DLG2: variants seen among roughly 807,000 people sequenced by gnomAD.
DLG2 encodes discs large MAGUK scaffold protein 2, also known as disks large homolog 2.
DLG2 carries 45 observed loss-of-function variants against 132.5 expected under a neutral mutation model. The observed-to-expected ratio is 0.34, with a 90% CI of 0.27 to 0.44. The LOEUF is 0.44. Ranked by LOEUF, DLG2 falls within the 20% of genes least tolerant of loss-of-function variation. DLG2 has a pLI of 1.00. For synonymous variants in DLG2, 424 were observed against 419.6 expected (o/e 1.01, Z -0.13); for missense variants, 1,045 against 1,196.9 (o/e 0.87, Z 1.87).
At position 85,427,237 on chromosome 11, in the gene DLG2, C is replaced by A. The variant is rs2090826463; in HGVS notation, c.41-141872G>T. On this transcript the variant is annotated intron_variant, in intron 3 of 27. Coordinates refer to ENST00000376104, the MANE Select transcript of DLG2 (RefSeq NM_001142699.3). Reference sequence around the variant, plus strand: ...ATCCAGGAGAACTTCCCCAATCTAGCAAGGCAGGCCAACATTCAAATTCAG... The same window carrying A: ...ATCCAGGAGAACTTCCCCAATCTAGAAAGGCAGGCCAACATTCAAATTCAG... 2.0e-5 allele frequency among the ~76,000 whole-genome samples: 3 copies of A among 152,180 alleles called. No homozygotes were observed. In the South Asian group the frequency reaches 6.2e-4, roughly 32 times the overall value.
In DLG2 at chr11:83,850,161, T is replaced by TGTGTGTGTGTGTGTGTG. The variant is rs58290466; in HGVS notation, c.1566-16392_1566-16391insCACACACACACACACAC. ...GTGTGTGTGTGTGTGTGTGTGTGTG[T>TGTGTGTGTGTGTGTGTG]TTTTTTACTTGAGACGGAGTCTCAC... On this transcript the variant is annotated intron_variant, in intron 16 of 27. Coordinates refer to ENST00000376104, the MANE Select transcript of DLG2 (RefSeq NM_001142699.3). 1.9e-3 allele frequency among the ~76,000 whole-genome samples: 243 copies of TGTGTGTGTGTGTGTGTG among 126,816 alleles called. 5 individuals carry two copies. The highest frequency in any genetic ancestry group is 5.8e-3 in the South Asian group (25 of 4,320). The allele number at this position is 126,816 out of a possible 152,430, so 83.2% of individuals were successfully genotyped here. A position where few individuals can be genotyped will look rare whatever the true frequency, so the allele number is the denominator to read the frequency against.
chr11:85,377,609 T>C (rs187381524), intron 3 of DLG2, among the ~76,000 whole-genome samples: 38 of 152,124 alleles, frequency 2.5e-4, no homozygotes, highest in Admixed American at 2.5e-3. Context: ...AAGACATTGT[T>C]CCTTAGTTTC....
chr11:84,947,046 C>G (rs1171288224), intron 6 of DLG2, among the ~76,000 whole-genome samples: 1 of 152,184 alleles, frequency 6.6e-6, no homozygotes, highest in Non-Finnish European at 1.5e-5. Flanking sequence ...CTCCCTCTCC[C>G]AAGCACACAG....
At chr11:85,511,070 T>C (rs2094054833) in intron 3 of DLG2, among the ~76,000 whole-genome samples, 1 of 151,932 alleles carries the variant, frequency 6.6e-6, no homozygotes, top group South Asian at 2.1e-4. Flanking sequence ...ATGTCCTTTG[T>C]AGGGACATGG....
chr11:85,568,967 CT>C (rs2077691227), intron 3 of DLG2, among the ~76,000 whole-genome samples: 2 of 152,026 alleles, frequency 1.3e-5, no homozygotes, highest in South Asian at 4.1e-4. Flanking sequence ...GTTCATTCTT[CT>C]TTTTCTAGTT....
chr11:83,705,006 A>C (rs1046261840), intron 18 of DLG2, among the ~76,000 whole-genome samples: 2 of 152,196 alleles, frequency 1.3e-5, no homozygotes. Context: ...ACTTGCACAA[A>C]TATACCTCCT....
intron 9 of DLG2, among the ~76,000 whole-genome samples, chr11:84,136,986 C>T (rs1168258183): frequency 6.6e-6 from 1 of 151,988 alleles, no homozygotes; most frequent in Non-Finnish European, 1.5e-5. Flanking sequence ...GGAGGCACAG[C>T]AGAAAAAAAA....
chr11:84,647,014 A>C (rs2099675799), intron 6 of DLG2, among the ~76,000 whole-genome samples: 1 of 152,130 alleles, frequency 6.6e-6, no homozygotes, highest in Admixed American at 6.6e-5. Context: ...GGTAAATATG[A>C]AACAAACATA....
chr11:84,002,127 T>C (rs967115171), intron 11 of DLG2, among the ~76,000 whole-genome samples: 5 of 152,104 alleles, frequency 3.3e-5, no homozygotes, highest in Admixed American at 1.3e-4. Flanking sequence ...AAATGACATA[T>C]TGGTTCTTCA....
At chr11:83,626,657 T>G (rs1349222753) in intron 19 of DLG2, among the ~76,000 whole-genome samples, 1 of 152,072 alleles carries the variant, frequency 6.6e-6, no homozygotes, top group East Asian at 1.9e-4. Context: ...AACGAAACTA[T>G]GAGCAGAGGG....
intron 3 of DLG2, among the ~76,000 whole-genome samples, chr11:85,323,393 C>G (rs2081215652): frequency 6.6e-6 from 1 of 152,184 alleles, no homozygotes; most frequent in Admixed American, 6.5e-5. Flanking sequence ...TATAATTTTA[C>G]ATGTTTATGG....
chr11:83,860,538 C>A (rs1443652097), intron 16 of DLG2, among the ~76,000 whole-genome samples: 1 of 152,158 alleles, frequency 6.6e-6, no homozygotes, highest in Non-Finnish European at 1.5e-5. Flanking sequence ...AAAGCCAGTA[C>A]CCCCACTGTA....
At position 84,076,384 on chromosome 11, in the gene DLG2, G is replaced by A. The variant is rs567294223; in HGVS notation, c.750-16900C>T. Reference sequence around the variant, plus strand: ...TGGTAATAACTTCTGTCTATCTAGCGCTCACTATTTACAAAACACTTCAAC... The same window carrying A: ...TGGTAATAACTTCTGTCTATCTAGCACTCACTATTTACAAAACACTTCAAC... On this transcript the variant is annotated intron_variant, in intron 10 of 27. Coordinates refer to ENST00000376104, the MANE Select transcript of DLG2 (RefSeq NM_001142699.3). Among the ~76,000 whole-genome samples, 10 of 152,200 alleles carry A rather than the reference G, an allele frequency of 6.6e-5. No homozygotes were observed. The South Asian group carries it at 1.2e-3, about 19-fold the overall frequency.
chr11:85,128,673 T>C, intron 5 of DLG2, among the ~76,000 whole-genome samples: 1 of 152,184 alleles, frequency 6.6e-6, no homozygotes, highest in East Asian at 1.9e-4. Flanking sequence ...CTGCCTAACA[T>C]TATTTTCCTT....
intron 9 of DLG2, among the ~76,000 whole-genome samples, chr11:84,156,125 G>C (rs1248706067): frequency 6.6e-6 from 1 of 152,132 alleles, no homozygotes; most frequent in African/African-American, 2.4e-5. Flanking sequence ...AAATACAAAA[G>C]AGAAGGGAAA....
chr11:85,216,064 C>A (rs1254981241), intron 4 of DLG2, among the ~76,000 whole-genome samples: 2 of 150,996 alleles, frequency 1.3e-5, no homozygotes, highest in Admixed American at 6.6e-5. Context: ...CATTTGTAGT[C>A]CCAGCTACTC....
At chr11:83,680,248 T>C (rs2078533981) in intron 18 of DLG2, among the ~76,000 whole-genome samples, 1 of 152,160 alleles carries the variant, frequency 6.6e-6, no homozygotes, top group African/African-American at 2.4e-5. Flanking sequence ...CCACACTGAA[T>C]CAAAACCCAG....
chr11:85,178,999 G>A (rs897842222), intron 4 of DLG2, among the ~76,000 whole-genome samples: 8 of 151,788 alleles, frequency 5.3e-5, no homozygotes, highest in Non-Finnish European at 7.4e-5. Flanking sequence ...TGAGTCCACC[G>A]ATAGAAAAAG....
intron 18 of DLG2, among the ~76,000 whole-genome samples, chr11:83,694,358 T>G (rs1027019289): frequency 6.6e-6 from 1 of 152,060 alleles, no homozygotes; most frequent in Non-Finnish European, 1.5e-5. Flanking sequence ...ATGAAACAGA[T>G]AAGAAAAGGG....
Sources: allele counts gnomAD v4.1 joint callset (sites outside exome capture counted in the v4.1 genomes callset), GRCh38; gene constraint gnomAD v4.1.1; transcripts MANE v1.5; gene names NCBI Gene and HGNC (gene_info 2026-07-23, HGNC 2026-07-21).